PCTP: variants seen among roughly 807,000 people sequenced by gnomAD.
PCTP encodes phosphatidylcholine transfer protein, also known as START domain-containing protein 2.
A neutral mutation model predicts 31.0 loss-of-function variants in PCTP; 27 were observed. That is an observed-to-expected ratio of 0.87 (90% CI 0.64 to 1.20). PCTP has a LOEUF of 1.20. PCTP is among the 50% of genes most tolerant of loss of function. The pLI is 0.00. For missense variants in PCTP, 287 were observed against 268.2 expected (o/e 1.07, Z -0.49); for synonymous variants, 108 against 101.2 (o/e 1.07, Z -0.40).
chr17:55,795,554 T>C (rs569878015), intron 3 of PCTP, among the ~76,000 whole-genome samples: 1 of 152,176 alleles, frequency 6.6e-6, no homozygotes, highest in South Asian at 2.1e-4. Flanking sequence ...CATTTACAGT[T>C]TCTTCACCCA....
chr17:55,805,614 A>G (rs983436639), intron 3 of PCTP, among the ~76,000 whole-genome samples: 3 of 151,962 alleles, frequency 2.0e-5, no homozygotes, highest in African/African-American at 7.2e-5. Flanking sequence ...ATATATACAC[A>G]CACATATATA....
At chr17:55,820,665 A>G (rs1381874441) in intron 3 of PCTP, among the ~76,000 whole-genome samples, 1 of 152,254 alleles carries the variant, frequency 6.6e-6, no homozygotes, top group South Asian at 2.1e-4. Context: ...TATCTAAAAT[A>G]CATAAAGAAA....
chr17:55,767,487 G>A, intron 2 of PCTP, 35 bp downstream of exon 2: 3 of 1,228,708 alleles, frequency 2.4e-6, no homozygotes, highest in Non-Finnish European at 3.5e-6. Context: ...TTTTTTAGAC[G>A]TACTTTCACT....
chr17:55,760,916 G>A (rs1910309524), intron 1 of PCTP, among the ~76,000 whole-genome samples: 1 of 152,198 alleles, frequency 6.6e-6, no homozygotes, highest in Non-Finnish European at 1.5e-5. Context: ...ACATTACACA[G>A]CTAAGCTAAG....
chr17:55,820,077 A>ACATAGGGGC (rs1913066444), intron 3 of PCTP, among the ~76,000 whole-genome samples: 1 of 152,230 alleles, frequency 6.6e-6, no homozygotes, highest in Admixed American at 6.5e-5. Context: ...TTAGAAGAAA[A>ACATAGGGGC]CATAGGGGCA....
chr17:55,805,930 A>G (rs1453293494), intron 3 of PCTP, among the ~76,000 whole-genome samples: 1 of 126,064 alleles, frequency 7.9e-6, no homozygotes, highest in Non-Finnish European at 1.7e-5. Flanking sequence ...GACTTTAGAG[A>G]AATCTCTTTG....
intron 5 of PCTP, among the ~76,000 whole-genome samples, chr17:55,831,936 C>T (rs188082323): frequency 1.4e-3 from 211 of 152,178 alleles, no homozygotes; most frequent in Admixed American, 2.2e-3. Context: ...ATTAGCTGGG[C>T]GTGGTGGTGG....
rs925146663 is a variant in PCTP at position 55,751,302 on chromosome 17, C to A, written c.141+58C>A. ...CTAGAATGCGCCGGGGTCGACCTCC[C>A]CGCAGGGAGTGCGGGGCGGCAGTCG... On this transcript the variant is annotated intron_variant, in intron 1 of 5. Coordinates refer to ENST00000268896, the MANE Select transcript of PCTP (RefSeq NM_021213.4). 9 of 1,517,694 alleles carry A rather than the reference C, an allele frequency of 5.9e-6. No individual in the cohort carries two copies. In the African/African-American group the frequency reaches 1.3e-4, roughly 21 times the overall value. 94.0% of individuals were successfully genotyped at this position (1,517,694 alleles called of 1,614,324 possible).
chr17:55,772,222 TA>T (rs1276399208), intron 3 of PCTP, among the ~76,000 whole-genome samples: 1 of 152,092 alleles, frequency 6.6e-6, no homozygotes, highest in African/African-American at 2.4e-5. Flanking sequence ...GAACTTTACT[TA>T]TTAGTGTATA....
chr17:55,846,126 G>A (rs938145971), downstream of PCTP, among the ~76,000 whole-genome samples: 6 of 151,972 alleles, frequency 3.9e-5, no homozygotes, highest in Non-Finnish European at 8.8e-5. Context: ...GAATAGAGAG[G>A]AATCTGTGAA....
chr17:55,803,618 C>A (rs1374924349), intron 3 of PCTP, among the ~76,000 whole-genome samples: 1 of 152,112 alleles, frequency 6.6e-6, no homozygotes, highest in Non-Finnish European at 1.5e-5. Context: ...GAAAGGATTC[C>A]CTATTTAGTA....
chr17:55,850,436 A>G, the PCTP span, among the ~76,000 whole-genome samples: 1 of 152,238 alleles, frequency 6.6e-6, no homozygotes, highest in Non-Finnish European at 1.5e-5. Context: ...TACTTTGCTT[A>G]AACTTTCTGT....
chr17:55,805,236 G>T (rs1040985932), intron 3 of PCTP, among the ~76,000 whole-genome samples: 3 of 152,034 alleles, frequency 2.0e-5, no homozygotes, highest in African/African-American at 7.2e-5. Flanking sequence ...AGATTCAGGG[G>T]TTTATGTGTT....
chr17:55,770,528 A>G (rs2144956180), intron 2 of PCTP: 1 of 152,324 alleles, frequency 6.6e-6, no homozygotes, highest in East Asian at 1.9e-4. Context: ...ATTGCATTCT[A>G]TCAAGAATAT....
intron 3 of PCTP, among the ~76,000 whole-genome samples, chr17:55,801,712 G>T (rs1374255415): frequency 1.3e-5 from 2 of 152,176 alleles, no homozygotes; most frequent in African/African-American, 4.8e-5. Context: ...CACAGCTAAA[G>T]CAGTGTTTAA....
At chr17:55,793,426 A>G (rs574410454) in intron 3 of PCTP, among the ~76,000 whole-genome samples, 1 of 152,148 alleles carries the variant, frequency 6.6e-6, no homozygotes, top group South Asian at 2.1e-4. Flanking sequence ...GTTTCCCTCC[A>G]CTTAACACAC....
downstream of PCTP, among the ~76,000 whole-genome samples, chr17:55,824,020 G>T (rs181881351): frequency 6.6e-6 from 1 of 152,330 alleles, no homozygotes; most frequent in African/African-American, 2.4e-5. Flanking sequence ...TTAGATCTCA[G>T]ATCTACTGGT....
At chr17:55,754,844 C>T (rs12945714) in intron 1 of PCTP, among the ~76,000 whole-genome samples, 8 of 151,920 alleles carry the variant, frequency 5.3e-5, no homozygotes, top group South Asian at 2.1e-4. Flanking sequence ...TGTGTGCGCG[C>T]GTGTGTGTAT....
chr17:55,812,927 TTCCGCAGTCATGAGAGTTATCACTCC>T, intron 3 of PCTP, among the ~76,000 whole-genome samples: 1 of 152,304 alleles, frequency 6.6e-6, no homozygotes, highest in East Asian at 1.9e-4. Context: ...TGATGTGCCT[TTCCGCAGTCATGAGAGTTATCACTCC>T]TCCCCACGGG....
Sources: gnomAD v4.1 joint callset for allele counts (sites outside exome capture counted in the v4.1 genomes callset) on GRCh38, gnomAD v4.1.1 for gene constraint, MANE v1.5 for transcripts, NCBI Gene and HGNC (gene_info 2026-07-23, HGNC 2026-07-21) for gene names.